The following ADGRA2 variants were observed in gnomAD, a reference collection of about 807,000 sequenced individuals.
ADGRA2 encodes adhesion G protein-coupled receptor A2, also known as G-protein coupled receptor 124.
A neutral mutation model predicts 98.7 loss-of-function variants in ADGRA2; 61 were observed. That is an observed-to-expected ratio of 0.62 (90% confidence interval 0.50 to 0.76). The LOEUF (loss-of-function observed/expected upper bound fraction) is 0.76, where lower values mean the gene tolerates loss of function less well. Among genes scored for constraint, ADGRA2 ranks in the 30% least tolerant of loss-of-function variants. The probability of loss-of-function intolerance (pLI) is 0.00; values close to 1 mark genes in which losing one functional copy is unlikely to be tolerated. For synonymous variants in ADGRA2, 858 were observed against 831.5 expected, an observed-to-expected ratio of 1.03 and a Z score of -0.55; for missense variants, 1,712 against 1,860.0, an observed-to-expected ratio of 0.92 and a Z score of 1.46.
chr8:37,801,624 G>C (rs114647620), intron 1 of ADGRA2, among the ~76,000 whole-genome samples: 1 of 152,206 alleles, frequency 6.6e-6, no homozygotes, highest in Non-Finnish European at 1.5e-5. Flanking sequence ...CAGGCACTCC[G>C]AGGATACCAG....
rs1805370035 is a variant in ADGRA2, at chr8:37,828,945, G to A, written c.396G>A (p.Gly132=). ...TVQPGAFLGL[G]ELKRLDLSNN... is the part of the protein sequence containing the mutation. ...AGCCGGGCGCCTTCCTGGGCCTGGG[G>A]GAGCTGAAGCGTTTGTGAGTGGCAC... Residue 132 remains glycine, a synonymous_variant, in exon 3 of 19, where the codon GGG becomes GGA. Coordinates refer to ENST00000412232, the MANE Select transcript of ADGRA2 (RefSeq NM_032777.10). 1.9e-6 allele frequency: 3 copies of A among 1,578,280 alleles called. No homozygotes were observed. The highest frequency in any genetic ancestry group is 2.4e-5 in the South Asian group (2 of 85,042).
At chr8:37,838,915 G>T (rs776107130) in intron 14 of ADGRA2, 41 bp from the exon 15 acceptor site, 15 of 1,528,726 alleles carry the variant, frequency 9.8e-6, no homozygotes, top group Non-Finnish European at 1.2e-5. Context: ...GCCTGGCGAG[G>T]TGTCCACATT....
At chr8:37,801,468 T>C (rs1804502374) in intron 1 of ADGRA2, among the ~76,000 whole-genome samples, 1 of 151,986 alleles carries the variant, frequency 6.6e-6, no homozygotes, top group Admixed American at 6.5e-5. Context: ...TGAGCCCCAG[T>C]ATTACTCGGC....
chr8:37,829,199 T>A, intron 3 of ADGRA2, 62 bp from the exon 4 acceptor site: 2 of 1,277,498 alleles, frequency 1.6e-6, no homozygotes, highest in Non-Finnish European at 2.3e-6. Flanking sequence ...CATGTGTTCC[T>A]CACAAGTGGA....
At chr8:37,812,109 A>G (rs72641962) in intron 1 of ADGRA2, among the ~76,000 whole-genome samples, 33,747 of 151,864 alleles carry the variant, frequency 0.22, 4,067 homozygotes, top group Middle Eastern at 0.36. Context: ...TTCAGAAAAA[A>G]AAAGAAAAGA....
At position 37,820,323 on chromosome 8, in the gene ADGRA2, C is replaced by T. The variant is rs145396972; in HGVS notation, c.338+5356C>T. On this transcript the variant is annotated intron_variant, in intron 2 of 18. Transcript: ENST00000412232. ...AAAACTAACCATCACAACCACTATC[C>T]CCCCAGAAGGAGAGGGCCCTTGGGT... Among the ~76,000 whole-genome samples, 3 of 152,342 alleles carry T rather than the reference C, an allele frequency of 2.0e-5. No individual in the cohort carries two copies. In the East Asian group the frequency reaches 5.8e-4, roughly 29 times the overall value.
rs1371388071 is a variant in ADGRA2 at position 37,797,886 on chromosome 8, G to C, written c.266+352G>C. Among the ~76,000 whole-genome samples, 6 of 152,240 alleles carry C rather than the reference G, an allele frequency of 3.9e-5. No homozygotes were observed. ...GACTTTGGGGACCTGAGAAGGGTGA[G>C]AGCGGGGAATGCTCAGGAAAGATCG... is the stretch of plus-strand genomic sequence containing the variant. On this transcript the variant is annotated intron_variant, in intron 1 of 18. Transcript: ENST00000412232. The surrounding 1 kb of genome is among the most constrained non-coding windows in gnomAD (Gnocchi z 5.3).
chr8:37,840,365 G>A, intron 17 of ADGRA2, 99 bp downstream of exon 17: 2 of 1,301,272 alleles, frequency 1.5e-6, no homozygotes, highest in Admixed American at 3.4e-5. Flanking sequence ...AAGGTCCCTG[G>A]GAGATCACTC....
At position 37,835,300 on chromosome 8, in the gene ADGRA2, A is replaced by C; in HGVS notation, c.1735A>C (p.Asn579His). Residue 579 changes from asparagine (N) to histidine (H), a missense_variant, in exon 12 of 19, where the codon AAC (asparagine) becomes CAC (histidine). By Grantham distance (68) the Asn-to-His change is moderately conservative (BLOSUM62 1). Transcript: ENST00000412232. The part of the protein sequence containing the change: ...PGTRPGSPGQ[N>H]PPPEPEPPAD... Reference sequence around the variant, plus strand: ...CACACGGCCAGGAAGCCCTGGCCAGAACCCCCCACCTGAGCCCGAGCCCCC... The same window carrying C: ...CACACGGCCAGGAAGCCCTGGCCAGCACCCCCCACCTGAGCCCGAGCCCCC... The C allele has an allele frequency of 6.2e-7, 1 of 1,613,636 alleles. No homozygotes were observed. The highest frequency in any genetic ancestry group is 1.1e-5 in the South Asian group (1 of 91,064).
chr8:37,807,367 C>T lies in ADGRA2; in HGVS notation c.267-7529C>T, dbSNP rs541583666. ...GGCCTGTGCACGGCGAGCATCCTCA[C>T]TTTTGGAGGTCTTACTGTCGTATCA... On this transcript the variant is annotated intron_variant, in intron 1 of 18. Coordinates refer to ENST00000412232, the MANE Select transcript of ADGRA2 (RefSeq NM_032777.10). Among the ~76,000 whole-genome samples, 5 of 152,352 alleles carry T rather than the reference C, an allele frequency of 3.3e-5. No individual in the cohort carries two copies. In the East Asian group the frequency reaches 9.6e-4, roughly 29 times the overall value.
At position 37,802,709 on chromosome 8, in the gene ADGRA2, A is replaced by C. The variant is rs1219894200; in HGVS notation, c.266+5175A>C. The stretch of plus-strand genomic sequence containing the variant: ...AGCTCAGGATACAGGAATTCCACCC[A>C]TCCATCCTCTGGGGCCTGGAAGCCC... On this transcript the variant is annotated intron_variant, in intron 1 of 18. Transcript: ENST00000412232. This position sits in a 1 kb window ranked among gnomAD's most constrained non-coding sequence, Gnocchi z 4.7. Among the ~76,000 whole-genome samples the C allele has an allele frequency of 6.6e-6, 1 of 151,966 alleles. No homozygotes were observed. The highest frequency in any genetic ancestry group is 1.5e-5 in the Non-Finnish European group (1 of 67,976).
rs142254876 is a variant in ADGRA2 at position 37,828,924 on chromosome 8, G to C, written c.375G>C (p.Pro125=). The C allele has an allele frequency of 1.4e-5, 23 of 1,591,250 alleles. No homozygotes were observed. Among genetic ancestry groups the C allele is most frequent in the Non-Finnish European group, 2.0e-5 (23 of 1,170,074 alleles). The change falls in exon 3 of 19, where the codon CCG becomes CCC. Residue 125 remains proline (P), a synonymous_variant. Coordinates refer to ENST00000412232, the MANE Select transcript of ADGRA2 (RefSeq NM_032777.10). ...LRNNIISTVQ[P]GAFLGLGELK... ...ACAACATCATCAGCACAGTGCAGCC[G>C]GGCGCCTTCCTGGGCCTGGGGGAGC...
chr8:37,830,970 G>A lies in ADGRA2; in HGVS notation c.932+47G>A, dbSNP rs749789065. The A allele has an allele frequency of 7.8e-6, 11 of 1,406,218 alleles. No homozygotes were observed. The highest frequency in any genetic ancestry group is 7.6e-5 in the South Asian group (6 of 79,428). 87.1% of individuals were successfully genotyped at this position (1,406,218 alleles called of 1,614,324 possible). ...CTCAGGCCTCAGCATGGGGTTAGGG[G>A]ACCTACCCTACCCGTCACCACCCCG... On this transcript the variant is annotated intron_variant, in intron 7 of 18. Transcript: ENST00000412232. This position sits in a 1 kb window ranked among gnomAD's most constrained non-coding sequence, Gnocchi z 4.8.
Position 37,841,764 on chromosome 8 carries a change from C to A in ADGRA2, c.3426C>A (p.Ala1142=). The A allele has an allele frequency of 6.5e-7, 1 of 1,539,364 alleles. No individual in the cohort carries two copies. Among genetic ancestry groups the A allele is most frequent in the Non-Finnish European group, 8.7e-7 (1 of 1,144,644 alleles). Residue 1142 remains alanine, a synonymous_variant, in exon 19 of 19, where the codon GCC becomes GCA. Coordinates refer to ENST00000412232, the MANE Select transcript of ADGRA2 (RefSeq NM_032777.10). The surrounding 1 kb of genome is among the most constrained non-coding windows in gnomAD (Gnocchi z 5.0). ...GPCKLTNLQL[A]QSQVCEAGAA... ...GCAAGCTCACCAACCTGCAGCTGGC[C>A]CAGAGTCAGGTGTGCGAGGCGGGGG...
At chr8:37,839,648 G>A (rs370078212) in intron 16 of ADGRA2, 26 bp downstream of exon 16, 16 of 1,612,028 alleles carry the variant, frequency 9.9e-6, no homozygotes, top group Non-Finnish European at 1.3e-5. Context: ...GGCTCTGGGG[G>A]TGGTGCTCCG....
At position 37,842,052 on chromosome 8, in the gene ADGRA2, G is replaced by A; in HGVS notation, c.3714G>A (p.Pro1238=). ...ACCTGGGCAGCAGCCGCAACAGCCC[G>A]GGCGCCGGCCTGCAGCTGGAAGGCG... ...DSYLGSSRNS[P]GAGLQLEGEP... is the part of the protein sequence containing the mutation. The change falls in exon 19 of 19, where the codon CCG becomes CCA. Residue 1238 remains proline (P), a synonymous_variant. Coordinates refer to ENST00000412232, the MANE Select transcript of ADGRA2 (RefSeq NM_032777.10). The A allele has an allele frequency of 6.6e-7, 1 of 1,517,520 alleles. No individual in the cohort carries two copies. Among genetic ancestry groups the A allele is most frequent in the Admixed American group, 2.0e-5 (1 of 48,932 alleles). The allele number at this position is 1,517,520 out of a possible 1,614,324, so 94.0% of individuals were successfully genotyped here.
intron 1 of ADGRA2, among the ~76,000 whole-genome samples, chr8:37,812,143 A>G (rs1000481920): frequency 1.8e-4 from 26 of 148,012 alleles, no homozygotes; most frequent in Admixed American, 1.1e-3. Context: ...AATGACATGC[A>G]CTTGCAATGG....
At chr8:37,839,224 A>G in intron 15 of ADGRA2, 141 bp downstream of exon 15, 1 of 1,292,738 alleles carries the variant, frequency 7.7e-7, no homozygotes, top group Non-Finnish European at 1.1e-6. Flanking sequence ...CAGGTGTAGG[A>G]AACCTCCCAG....
rs974226666 is a variant in ADGRA2 at position 37,797,678 on chromosome 8, G to A, written c.266+144G>A. On this transcript the variant is annotated intron_variant, in intron 1 of 18. Coordinates refer to ENST00000412232, the MANE Select transcript of ADGRA2 (RefSeq NM_032777.10). The surrounding 1 kb of genome is among the most constrained non-coding windows in gnomAD (Gnocchi z 5.3). Reference sequence around the variant, plus strand: ...AGGCCTGGGTTCAGGCCCCCAGAGGGGAAGATTGGAGGAGCAGGGGAGAGA... The same window carrying A: ...AGGCCTGGGTTCAGGCCCCCAGAGGAGAAGATTGGAGGAGCAGGGGAGAGA... The A allele has an allele frequency of 8.3e-5, 68 of 822,266 alleles. No homozygotes were observed. The highest frequency in any genetic ancestry group is 3.4e-4 in the Admixed American group (8 of 23,214). The allele number at this position is 822,266 out of a possible 1,614,324, so 50.9% of individuals were successfully genotyped here.
Sources: gnomAD v4.1 joint callset for allele counts (sites outside exome capture counted in the v4.1 genomes callset) on GRCh38, gnomAD v4.1.1 for gene constraint, Gnocchi (gnomAD v3.1) non-coding constraint, MANE v1.5 for transcripts, NCBI Gene and HGNC (gene_info 2026-07-23, HGNC 2026-07-21) for gene names.